CCDC73: variants seen among roughly 807,000 people sequenced by gnomAD.
The protein encoded by CCDC73 is coiled-coil domain containing 73.
In CCDC73, 95 loss-of-function variants were observed where a neutral mutation model predicts 116.5. That is an observed-to-expected ratio of 0.82 (90% CI 0.69 to 0.97). The LOEUF (loss-of-function observed/expected upper bound fraction) is 0.97. Ranked by LOEUF, CCDC73 falls within the 50% of genes least tolerant of loss-of-function variation. The pLI is 0.00. For synonymous variants in CCDC73, 398 were observed against 401.3 expected, an observed-to-expected ratio of 0.99 and a Z score of 0.10; for missense variants, 1,066 against 1,206.8, an observed-to-expected ratio of 0.88 and a Z score of 1.73.
intron 13 of CCDC73, among the ~76,000 whole-genome samples, chr11:32,637,232 C>T (rs1350824043): frequency 2.0e-5 from 3 of 151,768 alleles, no homozygotes; most frequent in Admixed American, 2.0e-4. Flanking sequence ...AGGCTGGTCT[C>T]GAACCCCTGA....
At chr11:32,823,671 T>C in the CCDC73 span, among the ~76,000 whole-genome samples, 1 of 151,250 alleles carries the variant, frequency 6.6e-6, no homozygotes, top group African/African-American at 2.4e-5. Flanking sequence ...AATTCTGTAA[T>C]AATATCACCT....
intron 2 of CCDC73, among the ~76,000 whole-genome samples, chr11:32,756,472 T>C: frequency 6.9e-6 from 1 of 145,706 alleles, no homozygotes; most frequent in East Asian, 2.0e-4. Context: ...TATATCTCCA[T>C]ATATATCTAT....
chr11:32,802,869 C>T, the CCDC73 span, among the ~76,000 whole-genome samples: 1 of 151,722 alleles, frequency 6.6e-6, no homozygotes, highest in South Asian at 2.1e-4. Context: ...TCTCATGCCT[C>T]AGCCTCCCAC....
chr11:32,637,911 G>C lies in CCDC73; in HGVS notation c.1051-2081C>G, dbSNP rs573016155. Among the ~76,000 whole-genome samples, 4 of 152,276 alleles carry C rather than the reference G, an allele frequency of 2.6e-5. No homozygotes were observed. The South Asian group carries it at 8.3e-4, about 32-fold the overall frequency. ...AATGGATAGTATGCACTTCAAGCTA[G>C]ATGTCCTAAAAGCACCATAAATTCT... On this transcript the variant is annotated intron_variant, in intron 13 of 17. Transcript: ENST00000335185.
rs574915881 is a variant in CCDC73 at position 32,627,431 on chromosome 11, A to G, written c.1185+8265T>C. 5.3e-5 allele frequency among the ~76,000 whole-genome samples: 8 copies of G among 152,312 alleles called. No homozygotes were observed. In the South Asian group the frequency reaches 1.7e-3, roughly 32 times the overall value. On this transcript the variant is annotated intron_variant, in intron 14 of 17. Transcript: ENST00000335185. ...GTGTGGCGATTCTTCAGGGATCTAG[A>G]AGTAGAAATACCATTTGACCCAGCC...
intron 12 of CCDC73, among the ~76,000 whole-genome samples, chr11:32,650,743 C>T (rs1246186505): frequency 6.6e-6 from 1 of 152,080 alleles, no homozygotes; most frequent in Non-Finnish European, 1.5e-5. Context: ...GAAGGCAAAA[C>T]TTTCGTTACA....
At chr11:32,728,409 G>C (rs545738907) in intron 2 of CCDC73, among the ~76,000 whole-genome samples, 26 of 152,098 alleles carry the variant, frequency 1.7e-4, no homozygotes, top group Admixed American at 3.9e-4. Context: ...GCTGTCTTAT[G>C]TATCCTTTTG....
intron 2 of CCDC73, among the ~76,000 whole-genome samples, chr11:32,749,482 G>A (rs1326117844): frequency 1.3e-5 from 2 of 151,990 alleles, no homozygotes; most frequent in Non-Finnish European, 2.9e-5. Context: ...TGACTTCTCT[G>A]AAAGTTCACA....
intron 14 of CCDC73, among the ~76,000 whole-genome samples, chr11:32,634,305 A>T (rs1388345657): frequency 6.6e-6 from 1 of 152,208 alleles, no homozygotes; most frequent in African/African-American, 2.4e-5. Flanking sequence ...TATAAAAAGG[A>T]TAATATATAA....
intron 6 of CCDC73, among the ~76,000 whole-genome samples, chr11:32,688,439 G>C (rs1038419538): frequency 6.6e-6 from 1 of 152,150 alleles, no homozygotes; most frequent in African/African-American, 2.4e-5. Context: ...AGAGATTAAA[G>C]AGCTATGACA....
chr11:32,645,193 A>G (rs1855766334), intron 12 of CCDC73, among the ~76,000 whole-genome samples: 1 of 152,020 alleles, frequency 6.6e-6, no homozygotes, highest in East Asian at 1.9e-4. Context: ...TACCCACAGA[A>G]CTGTCATTTC....
At chr11:32,685,409 A>G (rs903928504) in intron 6 of CCDC73, among the ~76,000 whole-genome samples, 1 of 152,160 alleles carries the variant, frequency 6.6e-6, no homozygotes, top group African/African-American at 2.4e-5. Flanking sequence ...TACACAGGAC[A>G]GTCAGGAAAC....
chr11:32,755,536 AATATAT>A (rs375204188), intron 2 of CCDC73, among the ~76,000 whole-genome samples: 1,132 of 59,920 alleles, frequency 0.019, 92 homozygotes, highest in African/African-American at 0.035. Context: ...TCCATCTCAA[AATATAT>A]ATATATATAT....
intron 1 of CCDC73, among the ~76,000 whole-genome samples, chr11:32,760,522 C>T (rs2133377259): frequency 6.6e-6 from 1 of 152,320 alleles, no homozygotes; most frequent in Admixed American, 6.5e-5. Flanking sequence ...GACCCATCTT[C>T]TAAAGGCTGG....
intron 9 of CCDC73, among the ~76,000 whole-genome samples, chr11:32,666,053 T>A (rs1264433243): frequency 7.9e-5 from 12 of 152,240 alleles, no homozygotes; most frequent in Non-Finnish European, 1.0e-4. Context: ...GGGCTTCCCT[T>A]TGTGGGTAAC....
chr11:32,746,696 C>G (rs1256341457), intron 2 of CCDC73, among the ~76,000 whole-genome samples: 4 of 152,034 alleles, frequency 2.6e-5, no homozygotes, highest in African/African-American at 7.2e-5. Flanking sequence ...TCACTGATAT[C>G]CTTTCTTCAG....
chr11:32,820,508 A>T, the CCDC73 span, among the ~76,000 whole-genome samples: 1 of 152,230 alleles, frequency 6.6e-6, no homozygotes, highest in Non-Finnish European at 1.5e-5. Context: ...AAATAGCTGA[A>T]GAGGCATTAA....
intron 7 of CCDC73, among the ~76,000 whole-genome samples, chr11:32,678,895 A>T (rs28380255): frequency 0.44 from 62,211 of 141,970 alleles, 13,654 homozygotes; most frequent in East Asian, 0.81. Context: ...AAAAAAAAAA[A>T]AAATATATAT....
At chr11:32,603,451 A>C (rs1013553903) in intron 17 of CCDC73, 2 of 153,536 alleles carry the variant, frequency 1.3e-5, no homozygotes, top group African/African-American at 4.8e-5. Context: ...AATAGAGTAA[A>C]GTAGAAAGAA....
Sources: gnomAD v4.1 joint callset for allele counts (sites outside exome capture counted in the v4.1 genomes callset) on GRCh38, gnomAD v4.1.1 for gene constraint, MANE v1.5 for transcripts, NCBI Gene and HGNC (gene_info 2026-07-23, HGNC 2026-07-21) for gene names.